Variants in AHI1 observed in about 807,000 individuals in gnomAD.
The protein encoded by AHI1 is jouberin.
A neutral mutation model predicts 149.3 loss-of-function variants in AHI1; 123 were observed. The ratio of observed to expected loss-of-function variants is 0.82; its 90% CI spans 0.71 to 0.96. AHI1 has a LOEUF of 0.96. Ranked by LOEUF, AHI1 falls within the 40% of genes least tolerant of loss-of-function variation. AHI1 has a pLI of 0.00. For synonymous variants in AHI1, 475 were observed against 459.8 expected, an observed-to-expected ratio of 1.03 and a Z score of -0.42; for missense variants, 1,439 against 1,422.7, an observed-to-expected ratio of 1.01 and a Z score of -0.18.
intron 26 of AHI1, among the ~76,000 whole-genome samples, chr6:135,314,863 T>C (rs1297323782): frequency 6.6e-6 from 1 of 152,198 alleles, no homozygotes; most frequent in African/African-American, 2.4e-5. Context: ...TTTGCATCTG[T>C]GATCTGCAGA....
chr6:135,336,159 A>T (rs1789352052), intron 24 of AHI1, among the ~76,000 whole-genome samples: 1 of 151,820 alleles, frequency 6.6e-6, no homozygotes, highest in Admixed American at 6.6e-5. Context: ...AAATACAGAC[A>T]TACACTACAT....
At chr6:135,327,191 G>A (rs1787835979) in intron 24 of AHI1, among the ~76,000 whole-genome samples, 1 of 152,194 alleles carries the variant, frequency 6.6e-6, no homozygotes, top group Admixed American at 6.5e-5. Context: ...TAGCAGGCTA[G>A]TACACTTTTA....
chr6:135,361,390 G>A (rs1353488615), intron 23 of AHI1, among the ~76,000 whole-genome samples: 1 of 151,974 alleles, frequency 6.6e-6, no homozygotes. Flanking sequence ...CTGTTATTTT[G>A]TAGTGTAAGT....
chr6:135,427,233 T>G lies in AHI1; in HGVS notation c.2698A>C (p.Asn900His), dbSNP rs747880989. 1.9e-6 allele frequency: 3 copies of G among 1,610,790 alleles called. No individual in the cohort carries two copies. The highest frequency in any genetic ancestry group is 2.5e-6 in the Non-Finnish European group (3 of 1,177,852). ...CCAAATGCACAGAATGCAACCATAT[T>G]TTCAAATGGATGATAAGAAATGTCT... Reference protein sequence around the residue: ...IRDISYHPFENMVAFCAFGQN... With the variant: ...IRDISYHPFEHMVAFCAFGQN... Residue 900 changes from asparagine (N) to histidine (H), a missense_variant, in exon 20 of 29, where the codon AAT becomes CAT. Transcript: ENST00000265602.
intron 23 of AHI1, among the ~76,000 whole-genome samples, chr6:135,361,165 G>T (rs1793802703): frequency 6.6e-6 from 1 of 151,974 alleles, no homozygotes; most frequent in South Asian, 2.1e-4. Flanking sequence ...ACTATACCTT[G>T]AATTAGGATT....
At chr6:135,366,163 T>C (rs535975739) in intron 23 of AHI1, among the ~76,000 whole-genome samples, 39 of 152,344 alleles carry the variant, frequency 2.6e-4, no homozygotes, top group African/African-American at 9.1e-4. Context: ...ATCTTTTTGA[T>C]ATGCTACTGG....
chr6:135,493,041 C>T (rs939927924), intron 3 of AHI1: 1 of 889,566 alleles, frequency 1.1e-6, no homozygotes, highest in African/African-American at 1.8e-5. Context: ...TGGAGTCTCC[C>T]TTTGTCGAGT....
intron 8 of AHI1, among the ~76,000 whole-genome samples, chr6:135,461,338 A>G (rs1789847711): frequency 6.6e-6 from 1 of 152,070 alleles, no homozygotes; most frequent in African/African-American, 2.4e-5. Context: ...TACCATGGAA[A>G]TAAAATTAAA....
intron 5 of AHI1, among the ~76,000 whole-genome samples, chr6:135,484,094 C>A (rs1794127467): frequency 6.6e-6 from 1 of 151,966 alleles, no homozygotes; most frequent in Admixed American, 6.5e-5. Context: ...TGGTGGCAGA[C>A]AAAGAGAGAG....
At chr6:135,465,369 A>C (rs948643439) in intron 7 of AHI1, among the ~76,000 whole-genome samples, 7 of 152,312 alleles carry the variant, frequency 4.6e-5, no homozygotes, top group Middle Eastern at 3.4e-3. Flanking sequence ...ATTATCTTTG[A>C]ATAGTTTTTC....
chr6:135,327,241 G>C (rs1371921944), intron 24 of AHI1, among the ~76,000 whole-genome samples: 2 of 152,104 alleles, frequency 1.3e-5, no homozygotes, highest in African/African-American at 4.8e-5. Flanking sequence ...TACCACCCCA[G>C]CCTAAAACTA....
At chr6:135,381,589 A>C (rs73559981) in intron 23 of AHI1, among the ~76,000 whole-genome samples, 189 of 152,372 alleles carry the variant, frequency 1.2e-3, no homozygotes, top group African/African-American at 4.1e-3. Context: ...GTTCTAAGCT[A>C]TCATTTAGAG....
chr6:135,466,094 T>C lies in AHI1; in HGVS notation c.469A>G (p.Thr157Ala), dbSNP rs1175504033. The C allele has an allele frequency of 1.2e-6, 2 of 1,613,838 alleles. No individual in the cohort carries two copies. The highest frequency in any genetic ancestry group is 1.7e-5 in the Admixed American group (1 of 60,002). Residue 157 changes from threonine (T) to alanine (A), a missense_variant, in exon 7 of 29, where the codon ACA becomes GCA. Physicochemically the swap from Thr to Ala is moderately conservative, Grantham distance 58 (BLOSUM62 0). Transcript: ENST00000265602. ...ENKVDSTHQK[T>A]HTKPQPGVDH... ...ACGCCTGGCTGTGGCTTTGTATGTG[T>C]TTTCTGGTGTGTAGAATCAACCTTA...
intron 26 of AHI1, chr6:135,301,102 G>A (rs1583580156): frequency 1.0e-6 from 1 of 985,318 alleles, no homozygotes; most frequent in Non-Finnish European, 1.2e-6. Context: ...TTTACCCTGA[G>A]CATCGGATAC....
chr6:135,490,101 G>C, intron 5 of AHI1: 1 of 703,834 alleles, frequency 1.4e-6, no homozygotes, highest in Non-Finnish European at 2.6e-6. Context: ...TTGCTGATTT[G>C]CTTAGTCTTT....
At chr6:135,426,267 C>T (rs1041732270) in intron 20 of AHI1, among the ~76,000 whole-genome samples, 5 of 151,636 alleles carry the variant, frequency 3.3e-5, no homozygotes, top group African/African-American at 9.7e-5. Flanking sequence ...TCTGAGTATG[C>T]ATTGCAGAAA....
chr6:135,404,816 G>A (rs187038288), intron 22 of AHI1, 135 bp downstream of exon 22: 23 of 722,894 alleles, frequency 3.2e-5, no homozygotes, highest in African/African-American at 1.9e-4. Context: ...CTGTGATAAA[G>A]CTGAGCTCCA....
At chr6:135,308,553 T>A (rs778961020) in intron 26 of AHI1, among the ~76,000 whole-genome samples, 1 of 152,160 alleles carries the variant, frequency 6.6e-6, no homozygotes, top group East Asian at 1.9e-4. Flanking sequence ...TGAAAAAACA[T>A]CATGAAGAGC....
At chr6:135,363,380 A>T (rs1794228212) in intron 23 of AHI1, among the ~76,000 whole-genome samples, 1 of 152,150 alleles carries the variant, frequency 6.6e-6, no homozygotes, top group African/African-American at 2.4e-5. Context: ...GTCACCGATC[A>T]ACAGGATCCC....
Sources: gnomAD v4.1 joint callset for allele counts (sites outside exome capture counted in the v4.1 genomes callset) on GRCh38, gnomAD v4.1.1 for gene constraint, MANE v1.5 for transcripts, NCBI Gene and HGNC (gene_info 2026-07-23, HGNC 2026-07-21) for gene names.